The following GPHN variants were observed in gnomAD, a reference collection of about 807,000 sequenced individuals.
GPHN encodes the protein gephyrin.
GPHN carries 17 observed loss-of-function variants against 95.5 expected under a neutral mutation model. The observed-to-expected ratio is 0.18, with a 90% confidence interval of 0.12 to 0.27. GPHN has a LOEUF of 0.27. GPHN is among the 10% of genes least tolerant of loss of function. The pLI, the probability that GPHN is intolerant of heterozygous loss-of-function variation, is 1.00. For synonymous variants in GPHN, 320 were observed against 322.5 expected (o/e 0.99, Z 0.08); for missense variants, 660 against 978.1 (o/e 0.67, Z 4.34).
chr14:67,317,307 T>A, the GPHN span: 2 of 1,097,984 alleles, frequency 1.8e-6, no homozygotes, highest in Non-Finnish European at 2.6e-6. Context: ...TGCAAAAAAA[T>A]TTAAAGAATA....
intron 4 of GPHN, among the ~76,000 whole-genome samples, chr14:66,848,504 C>G (rs898789244): frequency 6.6e-6 from 1 of 152,060 alleles, no homozygotes; most frequent in African/African-American, 2.4e-5. Flanking sequence ...CTGTAGAAAG[C>G]TTCTCTTTTA....
At chr14:67,308,394 C>T in the GPHN span, among the ~76,000 whole-genome samples, 1 of 151,260 alleles carries the variant, frequency 6.6e-6, no homozygotes, top group Admixed American at 6.6e-5. Context: ...GAGTACTAAC[C>T]TTTCCATTAA....
chr14:66,511,777 G>T (rs1232896724), intron 1 of GPHN, among the ~76,000 whole-genome samples: 1 of 151,850 alleles, frequency 6.6e-6, no homozygotes, highest in East Asian at 1.9e-4. Context: ...TCATTATTTT[G>T]AATTATTAAG....
At chr14:66,660,906 C>A (rs1349623372) in intron 1 of GPHN, among the ~76,000 whole-genome samples, 2 of 152,160 alleles carry the variant, frequency 1.3e-5, no homozygotes, top group Non-Finnish European at 2.9e-5. Context: ...AACCATGCCC[C>A]TCCCACAGAT....
intron 9 of GPHN, among the ~76,000 whole-genome samples, chr14:66,987,748 G>A (rs1159419349): frequency 6.6e-6 from 1 of 152,046 alleles, no homozygotes; most frequent in Non-Finnish European, 1.5e-5. Context: ...AAAATAAAAT[G>A]TTGACTTCCT....
the GPHN span, among the ~76,000 whole-genome samples, chr14:67,679,557 C>T: frequency 6.6e-6 from 1 of 152,182 alleles, no homozygotes; most frequent in Non-Finnish European, 1.5e-5. Flanking sequence ...GCGCCTGCCA[C>T]CATGACTGGC....
intron 5 of GPHN, among the ~76,000 whole-genome samples, chr14:66,881,163 C>G (rs2063910583): frequency 6.6e-6 from 1 of 151,838 alleles, no homozygotes; most frequent in Middle Eastern, 3.2e-3. Context: ...ATGAATGGGT[C>G]ATTAGTTACT....
At chr14:66,993,611 T>TA (rs1297181879) in intron 9 of GPHN, among the ~76,000 whole-genome samples, 2 of 152,184 alleles carry the variant, frequency 1.3e-5, no homozygotes, top group Non-Finnish European at 2.9e-5. Context: ...CATGATCAAG[T>TA]AATATATCAT....
the GPHN span, among the ~76,000 whole-genome samples, chr14:67,263,889 ATTCT>A: frequency 6.6e-6 from 1 of 152,070 alleles, no homozygotes; most frequent in Non-Finnish European, 1.5e-5. Context: ...AGGGGTAGTA[ATTCT>A]TTCTATTTTT....
chr14:67,624,525 T>C, the GPHN span, among the ~76,000 whole-genome samples: 13 of 152,178 alleles, frequency 8.5e-5, no homozygotes, highest in Non-Finnish European at 1.6e-4. Context: ...GCACGTCTTA[T>C]ATGGCAGGAG....
At chr14:66,874,581 G>A (rs538833976) in intron 4 of GPHN, among the ~76,000 whole-genome samples, 1 of 152,144 alleles carries the variant, frequency 6.6e-6, no homozygotes, top group South Asian at 2.1e-4. Context: ...ATGTAGCTGA[G>A]AAACACAACA....
intron 2 of GPHN, among the ~76,000 whole-genome samples, chr14:66,753,221 G>A (rs547232125): frequency 6.6e-6 from 1 of 152,046 alleles, no homozygotes; most frequent in South Asian, 2.1e-4. Context: ...GAGCCCCTGG[G>A]TATATACTTA....
At chr14:67,204,068 C>G in the GPHN span, among the ~76,000 whole-genome samples, 2,993 of 152,168 alleles carry the variant, frequency 0.02, 41 homozygotes, top group Middle Eastern at 0.034. Flanking sequence ...TGAGATGGTT[C>G]TCAGGAGCCC....
At chr14:67,356,944 CA>C in the GPHN span, among the ~76,000 whole-genome samples, 1 of 152,192 alleles carries the variant, frequency 6.6e-6, no homozygotes, top group Non-Finnish European at 1.5e-5. Context: ...ATATTCCAGC[CA>C]GTTTATAGTA....
chr14:67,114,322 A>T (rs1374464225), intron 16 of GPHN, among the ~76,000 whole-genome samples: 1 of 152,188 alleles, frequency 6.6e-6, no homozygotes, highest in East Asian at 1.9e-4. Context: ...GACTCAGTGA[A>T]CTATTCTTTT....
At chr14:66,818,057 T>C (rs548129746) in intron 3 of GPHN, among the ~76,000 whole-genome samples, 2 of 152,300 alleles carry the variant, frequency 1.3e-5, no homozygotes, top group African/African-American at 4.8e-5. Flanking sequence ...CCATGAGTAC[T>C]AAGTATCAGA....
At chr14:67,592,783 T>C in the GPHN span, 1 of 1,016,416 alleles carries the variant, frequency 9.8e-7, no homozygotes, top group Non-Finnish European at 1.5e-6. Flanking sequence ...TTTTTTCTTT[T>C]TCCTTTATTT....
chr14:67,626,429 G>C, the GPHN span, among the ~76,000 whole-genome samples: 1 of 152,206 alleles, frequency 6.6e-6, no homozygotes, highest in Non-Finnish European at 1.5e-5. Context: ...CAGTTTGGCA[G>C]ATCCTCAAAG....
At chr14:67,334,440 C>T in the GPHN span, 1 of 152,598 alleles carries the variant, frequency 6.6e-6, no homozygotes, top group African/African-American at 2.4e-5. Flanking sequence ...ATACCCAGAG[C>T]TAAACACTGG....
Sources: gnomAD v4.1 joint callset for allele counts (sites outside exome capture counted in the v4.1 genomes callset) on GRCh38, gnomAD v4.1.1 for gene constraint, MANE v1.5 for transcripts, NCBI Gene and HGNC (gene_info 2026-07-23, HGNC 2026-07-21) for gene names.